VRK3: variants seen among roughly 807,000 people sequenced by gnomAD.
VRK3 encodes the protein serine/threonine-protein kinase VRK3.
VRK3 carries 50 observed loss-of-function variants against 60.4 expected under a neutral mutation model. The ratio of observed to expected loss-of-function variants is 0.83; its 90% CI spans 0.66 to 1.05. The LOEUF (loss-of-function observed/expected upper bound fraction) is 1.05, where lower values mean the gene tolerates loss of function less well. VRK3 is among the 50% of genes least tolerant of loss of function. The pLI, the probability that VRK3 is intolerant of heterozygous loss-of-function variation, is 0.00. For synonymous variants in VRK3, 246 were observed against 227.8 expected, an observed-to-expected ratio of 1.08 and a Z score of -0.72; for missense variants, 549 against 585.3, an observed-to-expected ratio of 0.94 and a Z score of 0.64.
At chr19:49,978,023 C>T (rs958602596) in intron 14 of VRK3, among the ~76,000 whole-genome samples, 23 of 152,170 alleles carry the variant, frequency 1.5e-4, no homozygotes, top group African/African-American at 5.1e-4. Flanking sequence ...AACGTCGCTG[C>T]GCCGGGAGAC....
intron 12 of VRK3, chr19:49,981,789 C>T (rs1375444607): frequency 9.5e-7 from 1 of 1,057,756 alleles, no homozygotes; most frequent in Non-Finnish European, 1.1e-6. Flanking sequence ...CAAGCACACA[C>T]ACAGACACAC....
intron 12 of VRK3, chr19:49,986,641 C>T (rs1295247938): frequency 2.6e-5 from 4 of 152,238 alleles, no homozygotes; most frequent in Admixed American, 6.5e-5. Flanking sequence ...TAAAATAAAA[C>T]GAGAAAGGCT....
At chr19:50,002,209 C>A (rs548780952) in intron 5 of VRK3, among the ~76,000 whole-genome samples, 5 of 152,194 alleles carry the variant, frequency 3.3e-5, no homozygotes, top group Admixed American at 3.3e-4. Context: ...AGGCTGGTAT[C>A]GTCTAAGACA....
At chr19:49,990,545 C>A (rs1331158584) in intron 10 of VRK3, among the ~76,000 whole-genome samples, 2 of 151,692 alleles carry the variant, frequency 1.3e-5, no homozygotes, top group East Asian at 3.9e-4. Flanking sequence ...CATGCCCAGC[C>A]GATTTTTTGT....
chr19:49,989,894 T>A, intron 10 of VRK3, 123 bp from the exon 11 acceptor site: 1 of 1,150,240 alleles, frequency 8.7e-7, no homozygotes, highest in Non-Finnish European at 1.2e-6. Flanking sequence ...CTTACAAAAC[T>A]AAGGCATGCT....
At chr19:50,022,003 T>C (rs1423804853) in intron 1 of VRK3, among the ~76,000 whole-genome samples, 1 of 151,998 alleles carries the variant, frequency 6.6e-6, no homozygotes, top group Non-Finnish European at 1.5e-5. Context: ...ATGATTTTGT[T>C]TAATCTTTCC....
At chr19:49,997,362 C>T in intron 7 of VRK3, 142 bp downstream of exon 7, 1 of 822,368 alleles carries the variant, frequency 1.2e-6, no homozygotes. Flanking sequence ...TCACAGGAGT[C>T]AGGTTATGGA....
At chr19:49,984,430 C>T (rs1333045268) in intron 12 of VRK3, among the ~76,000 whole-genome samples, 7 of 152,084 alleles carry the variant, frequency 4.6e-5, no homozygotes, top group Admixed American at 2.6e-4. Context: ...GAGCCGGTGG[C>T]GGGGTCCTGT....
intron 13 of VRK3, 71 bp downstream of exon 13, chr19:49,980,884 A>C (rs1300363867): frequency 2.7e-5 from 39 of 1,421,682 alleles, no homozygotes; most frequent in Non-Finnish European, 3.8e-5. Flanking sequence ...AGGAGAAGCC[A>C]CCCCAAGATG....
chr19:49,992,172 C>T (rs1474403692), intron 10 of VRK3, among the ~76,000 whole-genome samples: 1 of 152,168 alleles, frequency 6.6e-6, no homozygotes, highest in Non-Finnish European at 1.5e-5. Flanking sequence ...CCTTGGGAGG[C>T]AAAGGCGGGC....
intron 12 of VRK3, among the ~76,000 whole-genome samples, chr19:49,984,142 A>G (rs2076472602): frequency 6.6e-6 from 1 of 152,086 alleles, no homozygotes; most frequent in Non-Finnish European, 1.5e-5. Context: ...CGCTCTTAGG[A>G]GTTAGGAAGT....
intron 10 of VRK3, 99 bp from the exon 11 acceptor site, chr19:49,989,870 G>T: frequency 7.2e-7 from 1 of 1,380,762 alleles, no homozygotes. Flanking sequence ...TTCTACCAAA[G>T]ATGGCATTTT....
In VRK3 at chr19:49,992,944, G is replaced by A. The variant is rs940329674; in HGVS notation, c.879C>T (p.Ala293=). 1 of 1,612,098 alleles carries A rather than the reference G, an allele frequency of 6.2e-7. No homozygotes were observed. Among genetic ancestry groups the A allele is most frequent in the Non-Finnish European group, 8.5e-7 (1 of 1,179,996 alleles). Residue 293 remains alanine, a synonymous_variant, in exon 10 of 15, where the codon GCC becomes GCT. Coordinates refer to ENST00000316763, the MANE Select transcript of VRK3 (RefSeq NM_016440.4). The stretch of plus-strand genomic sequence containing the variant: ...ACTCATTCTCATGGAGGAACTCCAG[G>A]GCATCCAGCTGGGGGAAGAAGCAAG... ...VLQVACRLLD[A]LEFLHENEYV... is the part of the protein sequence containing the mutation.
intron 3 of VRK3, among the ~76,000 whole-genome samples, chr19:50,013,122 G>C (rs772664202): frequency 6.6e-6 from 1 of 152,110 alleles, no homozygotes. Context: ...AGCCAAGATC[G>C]CGTCACTGCA....
Position 49,981,857 on chromosome 19 carries a change from G to A in VRK3, c.1218-844C>T, listed in dbSNP as rs1160241010. On this transcript the variant is annotated intron_variant, in intron 12 of 14. Coordinates refer to ENST00000316763, the MANE Select transcript of VRK3 (RefSeq NM_016440.4). Reference sequence around the variant, plus strand: ...TCGTGGCTGTGAGGGGCCAATGGGCGGTATCCAAACATTTTGAGGAGATTT... The same window carrying A: ...TCGTGGCTGTGAGGGGCCAATGGGCAGTATCCAAACATTTTGAGGAGATTT... 1.3e-5 allele frequency: 16 copies of A among 1,194,964 alleles called. No homozygotes were observed. In the Admixed American group the frequency reaches 3.4e-4, roughly 25 times the overall value. The allele number at this position is 1,194,964 out of a possible 1,614,324, so 74.0% of individuals were successfully genotyped here.
chr19:49,984,539 G>A (rs1190985370), intron 12 of VRK3, among the ~76,000 whole-genome samples: 1 of 152,178 alleles, frequency 6.6e-6, no homozygotes, highest in East Asian at 1.9e-4. Flanking sequence ...TCCCGACATT[G>A]GGGCTGCGTC....
chr19:49,989,146 C>T (rs193288288), intron 11 of VRK3, among the ~76,000 whole-genome samples: 90 of 152,194 alleles, frequency 5.9e-4, no homozygotes, highest in African/African-American at 2.1e-3. Flanking sequence ...GGCATGTGGA[C>T]GGCCATGATA....
Position 49,989,737 on chromosome 19 carries a change from T to C in VRK3, c.998A>G (p.Tyr333Cys), listed in dbSNP as rs145544268. 4.8e-5 allele frequency: 78 copies of C among 1,613,348 alleles called. No individual in the cohort carries two copies. Among genetic ancestry groups the C allele is most frequent in the East Asian group, 2.9e-4 (13 of 44,874 alleles). Residue 333 changes from tyrosine (Y) to cysteine (C), a missense_variant, in exon 11 of 15, where the codon TAT (tyrosine) becomes TGT (cysteine). Coordinates refer to ENST00000316763, the MANE Select transcript of VRK3 (RefSeq NM_016440.4). ...GGCCACGTGTTTGCCACTTGGGCAA[T>C]AGCGGAAGGCGAAGCCATAGCCTGC... is the stretch of plus-strand genomic sequence containing the variant. ...TLAGYGFAFR[Y>C]CPSGKHVAYV...
chr19:50,004,253 CCT>C (rs1263052427), intron 5 of VRK3, among the ~76,000 whole-genome samples: 2 of 151,610 alleles, frequency 1.3e-5, no homozygotes, highest in African/African-American at 4.9e-5. Flanking sequence ...TGTGTGTTTT[CCT>C]CTCCTTCTCC....
Sources: allele counts gnomAD v4.1 joint callset (sites outside exome capture counted in the v4.1 genomes callset), GRCh38; gene constraint gnomAD v4.1.1; transcripts MANE v1.5; gene names NCBI Gene and HGNC (gene_info 2026-07-23, HGNC 2026-07-21).